The following SLC46A3 variants were observed in gnomAD, a reference collection of about 807,000 sequenced individuals.
SLC46A3 encodes the protein lysosomal proton-coupled steroid conjugate and bile acid symporter SLC46A3.
SLC46A3 carries 26 observed loss-of-function variants against 38.5 expected under a neutral mutation model. The ratio of observed to expected loss-of-function variants is 0.68; its 90% confidence interval spans 0.49 to 0.94. The LOEUF (loss-of-function observed/expected upper bound fraction) is 0.94. Ranked by LOEUF, SLC46A3 falls within the 40% of genes least tolerant of loss-of-function variation. SLC46A3 has a pLI of 0.00. For synonymous variants in SLC46A3, 185 were observed against 192.5 expected (o/e 0.96, Z 0.32); for missense variants, 510 against 544.3 (o/e 0.94, Z 0.63).
chr13:28,713,451 G>C lies in SLC46A3; in HGVS notation c.289C>G (p.His97Asp). Residue 97 changes from histidine to aspartate, a missense_variant, in exon 3 of 6, where the codon CAC (histidine) becomes GAC (aspartate). Coordinates refer to ENST00000266943, the MANE Select transcript of SLC46A3 (RefSeq NM_181785.4). ...STFILLSISD[H>D]YGRKFPMILS... ...ATCATAGGGAATTTTCGTCCGTAGTGATCACTAATAGACAAAAGTATGAAT... is the reference window on the plus strand; with the variant it reads ...ATCATAGGGAATTTTCGTCCGTAGTCATCACTAATAGACAAAAGTATGAAT... 1 of 1,614,098 alleles carries C rather than the reference G, an allele frequency of 6.2e-7. No homozygotes were observed. The highest frequency in any genetic ancestry group is 8.5e-7 in the Non-Finnish European group (1 of 1,180,030).
In SLC46A3 at chr13:28,712,821, AG is replaced by A. The variant is rs759851720; in HGVS notation, c.918del (p.Ser307LeufsTer3). On this transcript the variant is annotated frameshift_variant, in exon 3 of 6. Coordinates refer to ENST00000266943, the MANE Select transcript of SLC46A3 (RefSeq NM_181785.4). LOFTEE classifies it high-confidence loss of function. ...FIGYGSALGS[A>X]SFLTSFLGIW... ...ATTCCTAGGAAACTAGTCAAAAAAG[AG>A]GCACTACCCAAAGCTGATCCATAAC... 8.1e-6 allele frequency: 13 copies of A among 1,613,952 alleles called. No homozygotes were observed. In the South Asian group the frequency reaches 1.4e-4, roughly 18 times the overall value.
At chr13:28,705,961 A>C (rs1885163279) in intron 4 of SLC46A3, among the ~76,000 whole-genome samples, 1 of 152,198 alleles carries the variant, frequency 6.6e-6, no homozygotes, top group African/African-American at 2.4e-5. Flanking sequence ...CCATACTATT[A>C]TGAAGTAGCT....
At position 28,712,543 on chromosome 13, in the gene SLC46A3, C is replaced by T. The variant is rs369071038; in HGVS notation, c.1060+137G>A. ...TTTTGGCTTATTGACTCCTGGCAAACTAGTTATTACCCTTTAATTGAACTA... is the reference window on the plus strand; with the variant it reads ...TTTTGGCTTATTGACTCCTGGCAAATTAGTTATTACCCTTTAATTGAACTA... On this transcript the variant is annotated intron_variant, in intron 3 of 5. Transcript: ENST00000266943. 1.8e-5 allele frequency: 15 copies of T among 819,006 alleles called. No individual in the cohort carries two copies. In the African/African-American group the frequency reaches 2.1e-4, roughly 12 times the overall value. 50.7% of individuals were successfully genotyped at this position (819,006 alleles called of 1,614,324 possible).
intron 4 of SLC46A3, among the ~76,000 whole-genome samples, chr13:28,705,248 AT>A (rs1250752113): frequency 6.6e-6 from 1 of 152,208 alleles, no homozygotes; most frequent in East Asian, 1.9e-4. Context: ...AAAAACTGCA[AT>A]GCATTTTTCT....
chr13:28,710,925 C>A, intron 3 of SLC46A3, 82 bp from the exon 4 acceptor site: 1 of 929,958 alleles, frequency 1.1e-6, no homozygotes. Context: ...TTCACTCTGT[C>A]TAAATACTTC....
chr13:28,712,901 A>T lies in SLC46A3; in HGVS notation c.839T>A (p.Ile280Asn), dbSNP rs1401801854. The T allele has an allele frequency of 6.2e-7, 1 of 1,610,822 alleles. No homozygotes were observed. The highest frequency in any genetic ancestry group is 8.5e-7 in the Non-Finnish European group (1 of 1,179,290). Residue 280 changes from isoleucine to asparagine, a missense_variant, in exon 3 of 6, where the codon ATT becomes AAT. By Grantham distance (149) the Ile-to-Asn change is moderately radical. Coordinates refer to ENST00000266943, the MANE Select transcript of SLC46A3 (RefSeq NM_181785.4). ...TGAATCCAATTCATAAAGGATAAAA[A>T]TTGGGGCAATGCCAATTACCACAAA... The part of the protein sequence containing the change: ...YFFVVIGIAP[I>N]FILYELDSPL...
In SLC46A3 at chr13:28,701,442, G is replaced by T. The variant is rs1187542161; in HGVS notation, c.*55C>A. On this transcript the variant is annotated 3_prime_UTR_variant, in exon 6 of 6. Coordinates refer to ENST00000266943, the MANE Select transcript of SLC46A3 (RefSeq NM_181785.4). ...TGGAATTCATTTATAGTCTTCAGAA[G>T]TCATGGTATATGATATGTGCATTCA... 1.0e-5 allele frequency: 16 copies of T among 1,590,926 alleles called. No homozygotes were observed. The highest frequency in any genetic ancestry group is 1.4e-5 in the Non-Finnish European group (16 of 1,172,482).
At chr13:28,703,715 A>G (rs1429414195) in intron 5 of SLC46A3, 4 of 318,256 alleles carry the variant, frequency 1.3e-5, no homozygotes, top group Non-Finnish European at 2.3e-5. Flanking sequence ...AATATGAAAC[A>G]CTTCATGAAT....
Position 28,712,588 on chromosome 13 carries a change from C to T in SLC46A3, c.1060+92G>A. 2.3e-6 allele frequency: 3 copies of T among 1,321,270 alleles called. No homozygotes were observed. In the South Asian group the frequency reaches 5.3e-5, roughly 24 times the overall value. The allele number at this position is 1,321,270 out of a possible 1,614,324, so 81.8% of individuals were successfully genotyped here. A position where few individuals can be genotyped will look rare whatever the true frequency, so the allele number is the denominator to read the frequency against. On this transcript the variant is annotated intron_variant, in intron 3 of 5. Coordinates refer to ENST00000266943, the MANE Select transcript of SLC46A3 (RefSeq NM_181785.4). ...GAACTAGAATGGCTTAAATAGAGGG[C>T]TTTAGATTAAAGTTTCTCCCCCAGT...
chr13:28,717,850 C>T lies in SLC46A3; in HGVS notation c.149G>A (p.Cys50Tyr). Residue 50 changes from cysteine (C) to tyrosine (Y), a missense_variant, in exon 2 of 6, where the codon TGT becomes TAT. Cys to Tyr is a radical substitution (Grantham distance 194, BLOSUM62 -2). Coordinates refer to ENST00000266943, the MANE Select transcript of SLC46A3 (RefSeq NM_181785.4). Reference sequence around the variant, plus strand: ...AATTGGGCTGCTTTTGTTTTTTTCACACTCAGAAATATTGCTATCAGATGA... The same window carrying T: ...AATTGGGCTGCTTTTGTTTTTTTCATACTCAGAAATATTGCTATCAGATGA... ...TFSSDSNISE[C>Y]EKNKSSPIFA... 1 of 1,613,136 alleles carries T rather than the reference C, an allele frequency of 6.2e-7. No individual in the cohort carries two copies. Among genetic ancestry groups the T allele is most frequent in the East Asian group, 2.2e-5 (1 of 44,868 alleles).
intron 5 of SLC46A3, among the ~76,000 whole-genome samples, chr13:28,702,036 CTGTTA>C (rs1427703050): frequency 2.6e-5 from 4 of 152,112 alleles, no homozygotes; most frequent in African/African-American, 9.7e-5. Flanking sequence ...TTTTATCTAT[CTGTTA>C]TAACAGAATT....
At position 28,713,033 on chromosome 13, in the gene SLC46A3, T is replaced by G. The variant is rs759095962; in HGVS notation, c.707A>C (p.Glu236Ala). 1 of 1,612,280 alleles carries G rather than the reference T, an allele frequency of 6.2e-7. No homozygotes were observed. The highest frequency in any genetic ancestry group is 8.5e-7 in the Non-Finnish European group (1 of 1,179,728). ...SSQNVTMSCSEGFKNLFYRTY... is the reference protein window; with the variant it reads ...SSQNVTMSCSAGFKNLFYRTY... ...TCGGTAAAATAGGTTTTTGAAGCCT[T>G]CACTACATGACATAGTAACATTCTG... The change falls in exon 3 of 6, where the codon GAA becomes GCA. Residue 236 changes from glutamate to alanine, a missense_variant. By Grantham distance (107) the Glu-to-Ala change is moderately radical. Coordinates refer to ENST00000266943, the MANE Select transcript of SLC46A3 (RefSeq NM_181785.4).
chr13:28,700,788 C>A lies in SLC46A3; in HGVS notation c.*709G>T. ...TACCCATTACATATAGAAATATTAT[C>A]ATGCCTGTCACCGATGAAACATATT... On this transcript the variant is annotated 3_prime_UTR_variant, in exon 6 of 6. Transcript: ENST00000266943. 1.8e-6 allele frequency: 1 copy of A among 546,794 alleles called. No homozygotes were observed. The allele number at this position is 546,794 out of a possible 1,614,324, so 33.9% of individuals were successfully genotyped here.
At chr13:28,708,943 T>G (rs1885261320) in intron 4 of SLC46A3, among the ~76,000 whole-genome samples, 2 of 152,158 alleles carry the variant, frequency 1.3e-5, no homozygotes, top group Middle Eastern at 3.2e-3. Flanking sequence ...TTATATAAAT[T>G]TTTCCATTTG....
At chr13:28,717,734 T>G in intron 2 of SLC46A3, 76 bp downstream of exon 2, 1 of 1,433,704 alleles carries the variant, frequency 7.0e-7, no homozygotes. Context: ...GGATGATGAG[T>G]TCACGGTCCT....
chr13:28,715,428 C>T (rs553344826), intron 2 of SLC46A3, among the ~76,000 whole-genome samples: 8 of 152,250 alleles, frequency 5.3e-5, no homozygotes, highest in Non-Finnish European at 1.2e-4. Flanking sequence ...CGTCTTCCCT[C>T]AGTCCAAGAG....
chr13:28,704,338 C>T, intron 4 of SLC46A3: 1 of 452,116 alleles, frequency 2.2e-6, no homozygotes, highest in South Asian at 3.1e-5. Flanking sequence ...TTGGAAACTC[C>T]AAATAGCTGA....
chr13:28,704,235 G>A (rs1283094520), intron 4 of SLC46A3, 136 bp from the exon 5 acceptor site: 2 of 790,662 alleles, frequency 2.5e-6, no homozygotes, highest in Admixed American at 3.0e-5. Flanking sequence ...TGAAATGAAA[G>A]TTATTCCCTC....
rs753066192 is a variant in SLC46A3, at chr13:28,712,860, C to T, written c.880G>A (p.Glu294Lys). Residue 294 changes from glutamate to lysine, a missense_variant, in exon 3 of 6, where the codon GAA becomes AAA. Coordinates refer to ENST00000266943, the MANE Select transcript of SLC46A3 (RefSeq NM_181785.4). ...YELDSPLCWN[E>K]VFIGYGSALG... is the part of the protein sequence containing the mutation. ...GCTGATCCATAACCTATAAAAACTT[C>T]ATTCCAGCAGAGTGGTGAATCCAAT... 1 of 1,611,034 alleles carries T rather than the reference C, an allele frequency of 6.2e-7. No individual in the cohort carries two copies. Among genetic ancestry groups the T allele is most frequent in the Non-Finnish European group, 8.5e-7 (1 of 1,179,370 alleles).
Sources: allele counts gnomAD v4.1 joint callset (sites outside exome capture counted in the v4.1 genomes callset), GRCh38; gene constraint gnomAD v4.1.1; transcripts MANE v1.5; gene names NCBI Gene and HGNC (gene_info 2026-07-23, HGNC 2026-07-21).